The following ATXN3 variants were observed in gnomAD, a reference collection of about 807,000 sequenced individuals.
ATXN3 encodes ataxin-3.
In ATXN3, 28 loss-of-function variants were observed where a neutral mutation model predicts 58.2. The ratio of observed to expected loss-of-function variants is 0.48; its 90% confidence interval spans 0.36 to 0.66. The LOEUF (loss-of-function observed/expected upper bound fraction) is 0.66, where lower values mean the gene tolerates loss of function less well. Among genes scored for constraint, ATXN3 ranks in the 30% least tolerant of loss-of-function variants. The pLI, the probability that ATXN3 is intolerant of heterozygous loss-of-function variation, is 0.00. For missense variants in ATXN3, 321 were observed against 422.1 expected (o/e 0.76, Z 2.10); for synonymous variants, 113 against 138.5 (o/e 0.82, Z 1.29).
At chr14:92,078,267 A>G (rs1278132500) in intron 9 of ATXN3, among the ~76,000 whole-genome samples, 1 of 152,092 alleles carries the variant, frequency 6.6e-6, no homozygotes, top group African/African-American at 2.4e-5. Flanking sequence ...TAGAGGCGTG[A>G]GCCACCGTGC....
intron 1 of ATXN3, among the ~76,000 whole-genome samples, chr14:92,104,791 C>T (rs1000145307): frequency 6.6e-6 from 1 of 151,820 alleles, no homozygotes; most frequent in African/African-American, 2.4e-5. Flanking sequence ...GGCGTGGTGG[C>T]GGGCGCCTGT....
At chr14:92,066,984 G>A (rs1201560010) in intron 10 of ATXN3, among the ~76,000 whole-genome samples, 3 of 151,936 alleles carry the variant, frequency 2.0e-5, no homozygotes, top group African/African-American at 4.8e-5. Context: ...TGGCCAGGCT[G>A]GTCTCGAACT....
At chr14:92,077,182 A>T (rs2060554938) in intron 9 of ATXN3, among the ~76,000 whole-genome samples, 1 of 152,102 alleles carries the variant, frequency 6.6e-6, no homozygotes, top group African/African-American at 2.4e-5. Flanking sequence ...CTCACATATA[A>T]ATTATGCCAC....
chr14:92,083,563 C>G, intron 6 of ATXN3: 1 of 466,164 alleles, frequency 2.1e-6, no homozygotes, highest in Middle Eastern at 3.2e-4. Context: ...ACTGAGCAGG[C>G]TACTCACTTA....
intron 6 of ATXN3, among the ~76,000 whole-genome samples, chr14:92,087,432 C>T (rs2140920109): frequency 6.6e-6 from 1 of 151,646 alleles, no homozygotes; most frequent in Non-Finnish European, 1.5e-5. Context: ...GCCTGGGCTT[C>T]AGAAATAGGC....
intron 1 of ATXN3, chr14:92,097,042 G>A: frequency 2.1e-6 from 1 of 472,656 alleles, no homozygotes; most frequent in Non-Finnish European, 3.8e-6. Flanking sequence ...CGAGTAGCTG[G>A]TACTACAGGC....
In ATXN3 at chr14:92,064,293, G is replaced by A; in HGVS notation, c.*27C>T. 6.7e-7 allele frequency: 1 copy of A among 1,485,028 alleles called. No homozygotes were observed. Among genetic ancestry groups the A allele is most frequent in the Admixed American group, 1.7e-5 (1 of 59,490 alleles). The allele number at this position is 1,485,028 out of a possible 1,614,324, so 92.0% of individuals were successfully genotyped here. A position where few individuals can be genotyped will look rare whatever the true frequency, so the allele number is the denominator to read the frequency against. ...CACACAGGATAATGTTGGAAAGTATGAATATCTAAATTATTTTTTAAAGGT... is the reference window on the plus strand; with the variant it reads ...CACACAGGATAATGTTGGAAAGTATAAATATCTAAATTATTTTTTAAAGGT... On this transcript the variant is annotated 3_prime_UTR_variant, in exon 11 of 11. Coordinates refer to ENST00000644486, the MANE Select transcript of ATXN3 (RefSeq NM_004993.6).
intron 9 of ATXN3, chr14:92,071,629 A>G: frequency 3.8e-6 from 1 of 265,064 alleles, no homozygotes; most frequent in South Asian, 4.1e-5. Flanking sequence ...CTATCATACA[A>G]AAAGATTCAC....
At chr14:92,065,574 T>C (rs1566908200) in intron 10 of ATXN3, among the ~76,000 whole-genome samples, 1 of 152,008 alleles carries the variant, frequency 6.6e-6, no homozygotes, top group South Asian at 2.1e-4. Flanking sequence ...AATGTGTCAG[T>C]TGTAGGACTA....
chr14:92,106,191 G>C (rs1357743326), intron 1 of ATXN3, among the ~76,000 whole-genome samples: 1 of 152,174 alleles, frequency 6.6e-6, no homozygotes, highest in East Asian at 1.9e-4. Context: ...GAAGGATTGG[G>C]GAGGGGTGAA....
intron 2 of ATXN3, among the ~76,000 whole-genome samples, chr14:92,047,282 A>C (rs928447966): frequency 6.6e-6 from 1 of 152,252 alleles, no homozygotes; most frequent in African/African-American, 2.4e-5. Context: ...GGATAGGCAA[A>C]ACAATTTGGT....
At chr14:92,046,164 A>C (rs934530054) in intron 2 of ATXN3, 1 of 152,248 alleles carries the variant, frequency 6.6e-6, no homozygotes, top group African/African-American at 2.4e-5. Context: ...CTTTTGCAAG[A>C]GCGAGGGCTC....
intron 6 of ATXN3, chr14:92,083,536 T>G: frequency 6.2e-5 from 32 of 515,752 alleles, no homozygotes; most frequent in East Asian, 2.5e-4. Context: ...TAAAGGGCCC[T>G]ACTAATATAG....
intron 1 of ATXN3, among the ~76,000 whole-genome samples, chr14:92,099,793 A>T (rs946903529): frequency 6.6e-6 from 1 of 152,090 alleles, no homozygotes; most frequent in Non-Finnish European, 1.5e-5. Context: ...CTTGAGCCCC[A>T]AAAAGGTCGA....
chr14:92,084,684 A>G (rs2062053945), intron 6 of ATXN3, among the ~76,000 whole-genome samples: 1 of 151,526 alleles, frequency 6.6e-6, no homozygotes, highest in Non-Finnish European at 1.5e-5. Context: ...GGTTCAAGCG[A>G]TTCTCCTGCC....
At chr14:92,074,551 C>A (rs1470810546) in intron 9 of ATXN3, among the ~76,000 whole-genome samples, 1 of 152,198 alleles carries the variant, frequency 6.6e-6, no homozygotes, top group Non-Finnish European at 1.5e-5. Flanking sequence ...ATTTAATATC[C>A]TCATTACCCA....
chr14:92,079,130 G>A (rs1233584914), intron 9 of ATXN3, among the ~76,000 whole-genome samples: 3 of 142,256 alleles, frequency 2.1e-5, no homozygotes, highest in Non-Finnish European at 4.5e-5. Flanking sequence ...AGGTTGCAGT[G>A]AGCAGAAATT....
Position 92,058,964 on chromosome 14 carries a change from A to T in ATXN3, c.*5356T>A, listed in dbSNP as rs915334319. 2.6e-5 allele frequency: 4 copies of T among 151,928 alleles called. No individual in the cohort carries two copies. The highest frequency in any genetic ancestry group is 6.6e-5 in the Admixed American group (1 of 15,258). 9.4% of individuals were successfully genotyped at this position (151,928 alleles called of 1,614,324 possible). The stretch of plus-strand genomic sequence containing the variant: ...CTCTTTCAAAAAAAAAAAAAGCATT[A>T]AAAAAATTCAGAAAACATTCCTTGA... On this transcript the variant is annotated 3_prime_UTR_variant, in exon 11 of 11. Coordinates refer to ENST00000644486, the MANE Select transcript of ATXN3 (RefSeq NM_004993.6).
rs555869209 is a variant in ATXN3 at position 92,088,578 on chromosome 14, G to A, written c.475+152C>T. 6.1e-5 allele frequency: 40 copies of A among 659,756 alleles called. 1 individual carries two copies. Among genetic ancestry groups the A allele is most frequent in the South Asian group, 4.8e-4 (27 of 56,094 alleles). The allele number at this position is 659,756 out of a possible 1,614,324, so 40.9% of individuals were successfully genotyped here. ...TCAGTGAGAACTCTAACTGAACAGCGTCACCCAAATCACAGCCTATCACCA... is the reference window on the plus strand; with the variant it reads ...TCAGTGAGAACTCTAACTGAACAGCATCACCCAAATCACAGCCTATCACCA... On this transcript the variant is annotated intron_variant, in intron 6 of 10. Transcript: ENST00000644486.
Sources: allele counts gnomAD v4.1 joint callset (sites outside exome capture counted in the v4.1 genomes callset), GRCh38; gene constraint gnomAD v4.1.1; transcripts MANE v1.5; gene names NCBI Gene and HGNC (gene_info 2026-07-23, HGNC 2026-07-21).